The following SLC45A4 variants were observed in gnomAD, a reference collection of about 807,000 sequenced individuals.
SLC45A4 encodes solute carrier family 45 member 4.
Under a neutral mutation model 63.7 loss-of-function variants are expected in SLC45A4, and 32 were observed. The ratio of observed to expected loss-of-function variants is 0.50; its 90% CI spans 0.38 to 0.67. The LOEUF (loss-of-function observed/expected upper bound fraction) is 0.67. Ranked by LOEUF, SLC45A4 falls within the 30% of genes least tolerant of loss-of-function variation. The pLI, the probability that SLC45A4 is intolerant of heterozygous loss-of-function variation, is 0.00. For missense variants in SLC45A4, 1,027 were observed against 1,157.7 expected (o/e 0.89, Z 1.64); for synonymous variants, 535 against 510.0 (o/e 1.05, Z -0.66).
intron 1 of SLC45A4, among the ~76,000 whole-genome samples, chr8:141,265,895 G>A (rs1462354787): frequency 6.6e-6 from 1 of 152,252 alleles, no homozygotes; most frequent in African/African-American, 2.4e-5. Flanking sequence ...ATTCGCAGAT[G>A]CACTCAGACA....
Position 141,307,418 on chromosome 8 carries a change from G to A in SLC45A4, c.-401+678C>T, listed in dbSNP as rs151238831. Among the ~76,000 whole-genome samples, 635 of 152,288 alleles carry A rather than the reference G, an allele frequency of 4.2e-3. 5 individuals are homozygous for A. The highest frequency in any genetic ancestry group is 0.013 in the African/African-American group (549 of 41,556). On this transcript the variant is annotated intron_variant, in intron 1 of 8. Coordinates refer to ENST00000517878, the MANE Select transcript of SLC45A4 (RefSeq NM_001286646.2). The stretch of plus-strand genomic sequence containing the variant: ...AAGGGAGCGCAGTGCCGATGAGACC[G>A]GGGCAGAGCCACAGTCTGGCGGTGC...
chr8:141,303,123 G>A (rs1202366726), intron 1 of SLC45A4, among the ~76,000 whole-genome samples: 3 of 150,488 alleles, frequency 2.0e-5, no homozygotes, highest in African/African-American at 7.3e-5. Flanking sequence ...TCAGCCTCTC[G>A]AGTAGTTGGG....
In SLC45A4 at chr8:141,308,176, G is replaced by T. The variant is rs28696116; in HGVS notation, c.-481C>A. 1 of 146,630 alleles carries T rather than the reference G, an allele frequency of 6.8e-6. No homozygotes were observed. The highest frequency in any genetic ancestry group is 1.5e-5 in the Non-Finnish European group (1 of 65,634). 9.1% of individuals were successfully genotyped at this position (146,630 alleles called of 1,614,324 possible). A position where few individuals can be genotyped will look rare whatever the true frequency, so the allele number is the denominator to read the frequency against. The stretch of plus-strand genomic sequence containing the variant: ...AGGGGCTACGGGGGCGCGGAGCCCC[G>T]GGCGCACCGGGGTCGGGAGGCGGCT... On this transcript the variant is annotated 5_prime_UTR_variant, in exon 1 of 9. Coordinates refer to ENST00000517878, the MANE Select transcript of SLC45A4 (RefSeq NM_001286646.2).
intron 2 of SLC45A4, among the ~76,000 whole-genome samples, chr8:141,236,861 C>T (rs913937912): frequency 3.9e-5 from 6 of 152,314 alleles, no homozygotes; most frequent in Admixed American, 6.5e-5. Context: ...TGGATGAGGG[C>T]GCGGAGGGCT....
chr8:141,226,665 A>T (rs1827016758), intron 2 of SLC45A4: 1 of 152,360 alleles, frequency 6.6e-6, no homozygotes, highest in Non-Finnish European at 1.5e-5. Context: ...CCGAGGATGG[A>T]GAGACAGGCC....
chr8:141,276,392 C>A (rs1445350167), intron 1 of SLC45A4, among the ~76,000 whole-genome samples: 3 of 152,158 alleles, frequency 2.0e-5, no homozygotes, highest in African/African-American at 7.2e-5. Flanking sequence ...TCCTGAAGCT[C>A]AGTAGGGAGA....
At chr8:141,264,276 G>A (rs111540807) in intron 1 of SLC45A4, among the ~76,000 whole-genome samples, 2,065 of 152,232 alleles carry the variant, frequency 0.014, 55 homozygotes, top group African/African-American at 0.046. Flanking sequence ...TCTGGGTGTT[G>A]CAGTATGATT....
rs368022539 is a variant in SLC45A4 at position 141,304,798 on chromosome 8, C to T, written c.-401+3298G>A. ...GGTGGGAACAACAGCAACCCATCCA[C>T]GGCTCTCAAAGGGCCACTCTATCAG... On this transcript the variant is annotated intron_variant, in intron 1 of 8. Transcript: ENST00000517878. Among the ~76,000 whole-genome samples, 5 of 152,302 alleles carry T rather than the reference C, an allele frequency of 3.3e-5. No homozygotes were observed. The East Asian group carries it at 9.6e-4, about 29-fold the overall frequency.
chr8:141,269,109 T>C (rs1301302015), intron 1 of SLC45A4, among the ~76,000 whole-genome samples: 1 of 152,120 alleles, frequency 6.6e-6, no homozygotes, highest in African/African-American at 2.4e-5. Context: ...TCATACGCTG[T>C]ATAGGGAGCG....
chr8:141,280,681 C>T (rs562479798), intron 1 of SLC45A4, among the ~76,000 whole-genome samples: 7 of 152,144 alleles, frequency 4.6e-5, no homozygotes, highest in Admixed American at 1.3e-4. Flanking sequence ...TTGCCCCACC[C>T]GTACCTCCAC....
At chr8:141,221,905 G>T in intron 2 of SLC45A4, 140 bp from the exon 3 acceptor site, 1 of 811,604 alleles carries the variant, frequency 1.2e-6, no homozygotes. Context: ...GTCTCCACGG[G>T]GTAGACTTTC....
rs71322119 is a variant in SLC45A4, at chr8:141,224,002, G to GTTTT, written c.242-2241_242-2238dup. On this transcript the variant is annotated intron_variant, in intron 2 of 8. Coordinates refer to ENST00000517878, the MANE Select transcript of SLC45A4 (RefSeq NM_001286646.2). ...GCTTAATCCTGAAGGATTTTCTGTA[G>GTTTT]TTTTTTTTTTTTTTAGCATTTCTAA... is the stretch of plus-strand genomic sequence containing the variant. Among the ~76,000 whole-genome samples the GTTTT allele has an allele frequency of 2.8e-5, 4 of 145,264 alleles. No homozygotes were observed. In the East Asian group the frequency reaches 6.0e-4, roughly 22 times the overall value.
intron 2 of SLC45A4, among the ~76,000 whole-genome samples, chr8:141,231,215 C>T (rs75782416): frequency 0.013 from 1,958 of 152,290 alleles, 57 homozygotes; most frequent in African/African-American, 0.044. Context: ...GAAGGAGCGC[C>T]GGAGACAGGG....
At chr8:141,228,840 A>T (rs967725301) in intron 2 of SLC45A4, among the ~76,000 whole-genome samples, 1 of 151,768 alleles carries the variant, frequency 6.6e-6, no homozygotes, top group South Asian at 2.1e-4. Context: ...TACATCCCAA[A>T]CCCATCTCTG....
chr8:141,241,231 GAGC>G (rs941303437), intron 2 of SLC45A4, among the ~76,000 whole-genome samples: 2 of 152,274 alleles, frequency 1.3e-5, no homozygotes, highest in African/African-American at 2.4e-5. Context: ...CGGGCAGGCG[GAGC>G]AGCAGCACAG....
intron 1 of SLC45A4, among the ~76,000 whole-genome samples, chr8:141,307,622 C>T (rs1409319394): frequency 1.3e-5 from 2 of 151,976 alleles, no homozygotes; most frequent in African/African-American, 2.4e-5. Context: ...AGTGGTGTAT[C>T]GCTGGTTGAA....
chr8:141,218,512 A>C lies in SLC45A4; in HGVS notation c.1128T>G (p.Asn376Lys). Residue 376 changes from asparagine (N) to lysine (K), a missense_variant, in exon 5 of 9, where the codon AAT (asparagine) becomes AAG (lysine). Transcript: ENST00000517878. ...AAKEDETLLDNHLNEAKVPNG... is the reference protein window; with the variant it reads ...AAKEDETLLDKHLNEAKVPNG... Reference sequence around the variant, plus strand: ...TTGGGACTTTAGCTTCATTCAAGTGATTATCCAGCAAGGTCTCGTCCTCCT... The same window carrying C: ...TTGGGACTTTAGCTTCATTCAAGTGCTTATCCAGCAAGGTCTCGTCCTCCT... The C allele has an allele frequency of 6.2e-7, 1 of 1,613,470 alleles. No homozygotes were observed. The highest frequency in any genetic ancestry group is 8.5e-7 in the Non-Finnish European group (1 of 1,179,950).
At chr8:141,251,020 G>C (rs1402108682) in intron 2 of SLC45A4, among the ~76,000 whole-genome samples, 1 of 152,188 alleles carries the variant, frequency 6.6e-6, no homozygotes, top group Admixed American at 6.6e-5. Context: ...TTAGGGAAAA[G>C]CAGTTCCTAA....
chr8:141,238,167 C>T (rs889606273), intron 2 of SLC45A4, among the ~76,000 whole-genome samples: 2 of 152,222 alleles, frequency 1.3e-5, no homozygotes, highest in Admixed American at 6.5e-5. Flanking sequence ...CCCGAGTCTC[C>T]GAACCCTCTC....
Sources: allele counts gnomAD v4.1 joint callset (sites outside exome capture counted in the v4.1 genomes callset), GRCh38; gene constraint gnomAD v4.1.1; transcripts MANE v1.5; gene names NCBI Gene and HGNC (gene_info 2026-07-23, HGNC 2026-07-21).